Variants in REPS2 observed in about 807,000 individuals in gnomAD.
REPS2 encodes RALBP1 associated Eps domain containing 2, also known as ralBP1-associated Eps domain-containing protein 2.
Under a neutral mutation model 53.6 loss-of-function variants are expected in REPS2, and 23 were observed. The ratio of observed to expected loss-of-function variants is 0.43; its 90% CI spans 0.31 to 0.61. The LOEUF (loss-of-function observed/expected upper bound fraction) is 0.61. REPS2 is among the 20% of genes least tolerant of loss of function. REPS2 has a pLI of 0.11. For missense variants in REPS2, 446 were observed against 534.9 expected, an observed-to-expected ratio of 0.83 and a Z score of 1.64; for synonymous variants, 238 against 218.6, an observed-to-expected ratio of 1.09 and a Z score of -0.78.
At chrX:17,102,549 C>T (rs969111785) in intron 13 of REPS2, among the ~76,000 whole-genome samples, 4 of 112,008 alleles carry the variant, frequency 3.6e-5, no homozygotes, top group African/African-American at 1.3e-4. Context: ...GGAGTTTTAA[C>T]CCACCGATGT....
At chrX:17,012,991 A>C (rs1347159759) in intron 2 of REPS2, among the ~76,000 whole-genome samples, 2 of 112,431 alleles carry the variant, frequency 1.8e-5, no homozygotes, top group Non-Finnish European at 3.8e-5. Context: ...ACTGAGGCAA[A>C]TCATTGAATT....
the REPS2 span, among the ~76,000 whole-genome samples, chrX:17,194,494 G>T: frequency 8.9e-6 from 1 of 111,905 alleles, no homozygotes; most frequent in Non-Finnish European, 1.9e-5. Flanking sequence ...GTGACATATT[G>T]TATGATTCCA....
intron 2 of REPS2, among the ~76,000 whole-genome samples, chrX:17,011,836 C>T (rs2061433142): frequency 9.1e-6 from 1 of 109,709 alleles, no homozygotes; most frequent in Admixed American, 9.8e-5. Flanking sequence ...GTGGCACATG[C>T]CTGTAATCCC....
At chrX:17,164,839 A>G in the REPS2 span, among the ~76,000 whole-genome samples, 1 of 112,156 alleles carries the variant, frequency 8.9e-6, no homozygotes, top group African/African-American at 3.2e-5. Flanking sequence ...TATAAAAACA[A>G]TAGAGAAATA....
chrX:16,947,833 C>T (rs1226391791), intron 1 of REPS2, among the ~76,000 whole-genome samples: 2 of 111,664 alleles, frequency 1.8e-5, no homozygotes, highest in Non-Finnish European at 3.8e-5. Flanking sequence ...TCTATCATTA[C>T]TTGGACTTGA....
At chrX:17,037,215 A>C (rs146905460) in intron 5 of REPS2, among the ~76,000 whole-genome samples, 1 of 111,868 alleles carries the variant, frequency 8.9e-6, no homozygotes, top group Non-Finnish European at 1.9e-5. Context: ...TTGGGGAAGG[A>C]AACATTTAAT....
chrX:17,069,488 G>T (rs935730719), intron 10 of REPS2, among the ~76,000 whole-genome samples: 1 of 112,321 alleles, frequency 8.9e-6, no homozygotes, highest in African/African-American at 3.2e-5. Context: ...GGGAGAGACA[G>T]GTAGAACTGG....
At chrX:16,993,521 G>C (rs780222588) in intron 1 of REPS2, among the ~76,000 whole-genome samples, 62 of 111,144 alleles carry the variant, frequency 5.6e-4, no homozygotes, top group Non-Finnish European at 1.1e-3. Context: ...AAAAAGCCCT[G>C]GCTGGCCTCC....
At chrX:17,103,813 G>A (rs2062838264) in intron 14 of REPS2, 34 bp downstream of exon 14, 6 of 1,161,598 alleles carry the variant, frequency 5.2e-6, no homozygotes, top group Middle Eastern at 2.4e-4. Context: ...TAAACTGTTC[G>A]GTGGTAGGGA....
intron 6 of REPS2, among the ~76,000 whole-genome samples, chrX:17,052,070 C>T (rs748536187): frequency 7.2e-4 from 81 of 111,862 alleles, no homozygotes; most frequent in African/African-American, 2.6e-3. Context: ...TTTTGAACTT[C>T]GTCTTCTAAA....
chrX:17,120,761 G>C (rs145651815), intron 14 of REPS2, among the ~76,000 whole-genome samples: 1,179 of 112,041 alleles, frequency 0.011, 38 homozygotes, highest in Admixed American at 0.087. Flanking sequence ...GCAAACTATA[G>C]CCTACAGGCC....
chrX:17,019,485 A>C (rs892102291), intron 2 of REPS2, among the ~76,000 whole-genome samples: 5 of 111,749 alleles, frequency 4.5e-5, no homozygotes, highest in Non-Finnish European at 9.4e-5. Context: ...TTTATTGATT[A>C]ATTTTTTCAA....
chrX:17,101,252 T>C lies in REPS2; in HGVS notation c.1517-2466T>C, dbSNP rs113302112. ...TTTGTTTTTGTATTTTTAGTAGAGATGGGGTTTCACTGTGTTAGCCAGGAT... is the reference window on the plus strand; with the variant it reads ...TTTGTTTTTGTATTTTTAGTAGAGACGGGGTTTCACTGTGTTAGCCAGGAT... On this transcript the variant is annotated intron_variant, in intron 13 of 17. Transcript: ENST00000357277. 9.5e-3 allele frequency among the ~76,000 whole-genome samples: 1,031 copies of C among 108,789 alleles called. 13 individuals carry two copies. The highest frequency in any genetic ancestry group is 0.032 in the African/African-American group (962 of 29,876). The allele number at this position is 108,789 out of a possible 115,157, so 94.5% of individuals were successfully genotyped here.
the REPS2 span, among the ~76,000 whole-genome samples, chrX:17,182,962 C>T: frequency 8.9e-6 from 1 of 112,461 alleles, no homozygotes; most frequent in Admixed American, 9.4e-5. Context: ...TTTTAATCAG[C>T]AAACTATACA....
chrX:16,948,994 G>T (rs1292148173), intron 1 of REPS2, among the ~76,000 whole-genome samples: 1 of 111,170 alleles, frequency 9.0e-6, no homozygotes, highest in Non-Finnish European at 1.9e-5. Context: ...AACATTGAAG[G>T]CATCCTGGAC....
intron 17 of REPS2, among the ~76,000 whole-genome samples, chrX:17,144,775 C>G (rs1047514136): frequency 8.0e-5 from 9 of 111,978 alleles, no homozygotes; most frequent in African/African-American, 2.9e-4. Context: ...CTGCCATTTA[C>G]CAGGGTGACT....
At position 17,025,201 on chromosome X, in the gene REPS2, G is replaced by A; in HGVS notation, c.673+16G>A. The A allele has an allele frequency of 3.3e-6, 4 of 1,203,517 alleles. No homozygotes were observed. Among genetic ancestry groups the A allele is most frequent in the Non-Finnish European group, 4.5e-6 (4 of 891,086 alleles). On this transcript the variant is annotated intron_variant, in intron 4 of 17. Coordinates refer to ENST00000357277, the MANE Select transcript of REPS2 (RefSeq NM_004726.3). ...ATGCATCCAGGTAAGAGGCGACCTG[G>A]GGGCCAGCTGTCCCAGGCAGTGTCT... is the stretch of plus-strand genomic sequence containing the variant.
intron 1 of REPS2, among the ~76,000 whole-genome samples, chrX:16,977,608 C>T (rs1451840647): frequency 1.9e-5 from 2 of 108,104 alleles, no homozygotes; most frequent in African/African-American, 6.8e-5. Context: ...CCCAGCTACT[C>T]GGCAGGCTGA....
chrX:17,087,047 G>A (rs897862868), intron 13 of REPS2, among the ~76,000 whole-genome samples: 2 of 112,105 alleles, frequency 1.8e-5, no homozygotes, highest in Non-Finnish European at 3.8e-5. Context: ...TGGGCAGGGG[G>A]TGCACAGGGC....
Sources: gnomAD v4.1 joint callset for allele counts (sites outside exome capture counted in the v4.1 genomes callset) on GRCh38, gnomAD v4.1.1 for gene constraint, MANE v1.5 for transcripts, NCBI Gene and HGNC (gene_info 2026-07-23, HGNC 2026-07-21) for gene names.